Variants in TUBB8B observed in about 807,000 individuals in gnomAD.
The protein encoded by TUBB8B is tubulin beta 8B, also known as HSA18p11 beta-tubulin 4Q pseudogene.
Under a neutral mutation model 31.9 loss-of-function variants are expected in TUBB8B, and 26 were observed. That is an observed-to-expected ratio of 0.81 (90% CI 0.60 to 1.13). The LOEUF (loss-of-function observed/expected upper bound fraction) is 1.13. Among genes scored for constraint, TUBB8B ranks in the 50% most tolerant of loss-of-function variants. TUBB8B has a pLI of 0.00. For missense variants in TUBB8B, 467 were observed against 586.7 expected (o/e 0.80, Z 2.11); for synonymous variants, 173 against 231.0 (o/e 0.75, Z 2.28).
At chr18:66,394 A>G in the TUBB8B span, among the ~76,000 whole-genome samples, 1 of 152,122 alleles carries the variant, frequency 6.6e-6, no homozygotes, top group East Asian at 1.9e-4. Context: ...TGTACAAAAA[A>G]TCAAAAAATT....
chr18:51,736 G>T (rs111334831), upstream of TUBB8B, among the ~76,000 whole-genome samples: 4 of 151,724 alleles, frequency 2.6e-5, no homozygotes, highest in African/African-American at 9.7e-5. Flanking sequence ...TTATAAAGGG[G>T]AGTTTCCCTA....
chr18:63,288 A>G, the TUBB8B span, among the ~76,000 whole-genome samples: 5 of 151,956 alleles, frequency 3.3e-5, no homozygotes, highest in East Asian at 9.7e-4. Context: ...AACATTTTCC[A>G]GGTGTTCAAA....
chr18:65,082 C>A, the TUBB8B span, among the ~76,000 whole-genome samples: 1 of 152,076 alleles, frequency 6.6e-6, no homozygotes, highest in Admixed American at 6.6e-5. Flanking sequence ...AGACAGATTA[C>A]CTGAGGTCAG....
At chr18:53,949 T>C (rs995924875), upstream of TUBB8B, among the ~76,000 whole-genome samples, 1 of 151,744 alleles carries the variant, frequency 6.6e-6, no homozygotes, top group African/African-American at 2.4e-5. Flanking sequence ...AGTTTCAAGA[T>C]GTTTCCCCTC....
chr18:49,743 G>T, upstream of TUBB8B: 3 of 684,532 alleles, frequency 4.4e-6, no homozygotes, highest in South Asian at 4.5e-5. Flanking sequence ...ATCCCTTGGC[G>T]TTGAACGTCT....
At chr18:67,304 A>C in the TUBB8B span, among the ~76,000 whole-genome samples, 1 of 151,946 alleles carries the variant, frequency 6.6e-6, no homozygotes, top group Admixed American at 6.6e-5. Flanking sequence ...CCTCATGTAC[A>C]AGTCTTGTAC....
chr18:49,072 G>A (rs769395266), intron 2 of TUBB8B, 22 bp from the exon 3 acceptor site: 3 of 1,561,776 alleles, frequency 1.9e-6, no homozygotes, highest in African/African-American at 2.7e-5. Flanking sequence ...GGGAGGGCAT[G>A]AGCGAGGGGA....
the TUBB8B span, among the ~76,000 whole-genome samples, chr18:65,226 G>T: frequency 6.6e-6 from 1 of 151,974 alleles, no homozygotes; most frequent in Non-Finnish European, 1.5e-5. Context: ...GCTTGAACCT[G>T]GGAGCCAGAG....
chr18:49,824 T>G, upstream of TUBB8B: 1 of 535,238 alleles, frequency 1.9e-6, no homozygotes, highest in Non-Finnish European at 3.5e-6. Context: ...GGAGAACTTC[T>G]TCCCACGTCT....
chr18:57,474 T>G, the TUBB8B span, among the ~76,000 whole-genome samples: 1 of 151,814 alleles, frequency 6.6e-6, no homozygotes, highest in Non-Finnish European at 1.5e-5. Flanking sequence ...TACGTCCCAT[T>G]TCCAGGGCAC....
intron 3 of TUBB8B, 123 bp downstream of exon 3, chr18:48,817 C>A (rs1228043005): frequency 1.0e-5 from 8 of 775,058 alleles, no homozygotes; most frequent in Admixed American, 5.9e-5. Flanking sequence ...CGACTCGACT[C>A]GGCGGATAGG....
At chr18:50,765 C>G (rs539001536), upstream of TUBB8B, among the ~76,000 whole-genome samples, 2 of 152,112 alleles carry the variant, frequency 1.3e-5, no homozygotes, top group Admixed American at 6.5e-5. Context: ...CTGACCAGCA[C>G]GCCCACAAGC....
At position 48,041 on chromosome 18, in the gene TUBB8B, C is replaced by T. The variant is rs752500259; in HGVS notation, c.684G>A (p.Leu228=). 8.7e-6 allele frequency: 14 copies of T among 1,613,028 alleles called. No homozygotes were observed. Among genetic ancestry groups the T allele is most frequent in the Non-Finnish European group, 1.2e-5 (14 of 1,179,872 alleles). ...TGACCCCACTCATGGTAGCAGACACCAGGTGGTTCAGGTCACCATAGGTGG... is the reference window on the plus strand; with the variant it reads ...TGACCCCACTCATGGTAGCAGACACTAGGTGGTTCAGGTCACCATAGGTGG... ...PTPTYGDLNH[L]VSATMSGVTT... Residue 228 remains leucine (L), a synonymous_variant, in exon 4 of 4, where the codon CTG becomes CTA. Coordinates refer to ENST00000308911, the MANE Select transcript of TUBB8B (RefSeq NM_001358689.2).
the TUBB8B span, among the ~76,000 whole-genome samples, chr18:62,897 T>G: frequency 4.0e-5 from 6 of 151,800 alleles, no homozygotes; most frequent in East Asian, 1.2e-3. Context: ...TAAATCTATC[T>G]TCTCCTTGAT....
chr18:69,895 G>A, the TUBB8B span, among the ~76,000 whole-genome samples: 2 of 152,230 alleles, frequency 1.3e-5, no homozygotes, highest in African/African-American at 4.8e-5. Flanking sequence ...AGTGGCTCAT[G>A]CCTGTAATCA....
At chr18:49,883 T>C (rs1269894802), upstream of TUBB8B, 1 of 523,174 alleles carries the variant, frequency 1.9e-6, no homozygotes, top group African/African-American at 1.9e-5. Context: ...TTTCCTCCCA[T>C]GTGGGAGGGG....
the TUBB8B span, among the ~76,000 whole-genome samples, chr18:55,218 A>C: frequency 4.6e-5 from 7 of 151,838 alleles, no homozygotes; most frequent in African/African-American, 1.7e-4. Context: ...TCTCTGCCTC[A>C]GCCTCTTGAG....
intron 3 of TUBB8B, 106 bp downstream of exon 3, chr18:48,834 T>C (rs1203292248): frequency 1.2e-6 from 1 of 855,126 alleles, no homozygotes; most frequent in African/African-American, 1.6e-5. Flanking sequence ...TAGGAGGGTG[T>C]TCAGGGGCCC....
At chr18:63,531 T>G in the TUBB8B span, among the ~76,000 whole-genome samples, 16 of 151,704 alleles carry the variant, frequency 1.1e-4, no homozygotes, top group African/African-American at 3.9e-4. Flanking sequence ...CTGCGCTGGT[T>G]CACACTTGAA....
Sources: allele counts gnomAD v4.1 joint callset (sites outside exome capture counted in the v4.1 genomes callset), GRCh38; gene constraint gnomAD v4.1.1; transcripts MANE v1.5; gene names NCBI Gene and HGNC (gene_info 2026-07-23, HGNC 2026-07-21).